TNNI3K: variants seen among roughly 807,000 people sequenced by gnomAD.
TNNI3K encodes the protein serine/threonine-protein kinase TNNI3K.
A neutral mutation model predicts 114.5 loss-of-function variants in TNNI3K; 140 were observed. The ratio of observed to expected loss-of-function variants is 1.22; its 90% confidence interval spans 1.07 to 1.41. The LOEUF (loss-of-function observed/expected upper bound fraction) is 1.41. Ranked by LOEUF, TNNI3K falls within the 40% of genes most tolerant of loss-of-function variation. TNNI3K has a pLI of 0.00. For missense variants in TNNI3K, 1,125 were observed against 1,007.6 expected (o/e 1.12, Z -1.58); for synonymous variants, 347 against 347.5 (o/e 1.00, Z 0.02).
At chr1:74,362,835 TAC>T (rs575468997) in intron 11 of TNNI3K, among the ~76,000 whole-genome samples, 50 of 152,204 alleles carry the variant, frequency 3.3e-4, no homozygotes, top group Non-Finnish European at 2.8e-4. Flanking sequence ...ATTTGGAGAA[TAC>T]ACACAGGACT....
intron 19 of TNNI3K, among the ~76,000 whole-genome samples, chr1:74,437,556 G>A (rs1463066606): frequency 6.6e-6 from 1 of 151,816 alleles, no homozygotes; most frequent in East Asian, 1.9e-4. Context: ...TGGGGGGAGA[G>A]CTATGCAGGT....
intron 18 of TNNI3K, 45 bp downstream of exon 18, chr1:74,436,177 T>C (rs1557564246): frequency 6.2e-7 from 1 of 1,603,418 alleles, no homozygotes; most frequent in African/African-American, 1.3e-5. Context: ...TGTTCCTAGC[T>C]GGTACAATAT....
Position 74,501,455 on chromosome 1 carries a change from G to A in TNNI3K, c.2351+9189G>A, listed in dbSNP as rs139035932. On this transcript the variant is annotated intron_variant, in intron 23 of 24. Transcript: ENST00000326637. Reference sequence around the variant, plus strand: ...TCAAGACCAACCAAAACTTCAACTTGGAGGGTTTTTTTTGTTTTGTGTTTG... The same window carrying A: ...TCAAGACCAACCAAAACTTCAACTTAGAGGGTTTTTTTTGTTTTGTGTTTG... Among the ~76,000 whole-genome samples, 7 of 150,460 alleles carry A rather than the reference G, an allele frequency of 4.7e-5. No individual in the cohort carries two copies. In the East Asian group the frequency reaches 1.4e-3, roughly 30 times the overall value.
At chr1:74,313,620 T>G (rs552758348) in intron 5 of TNNI3K, among the ~76,000 whole-genome samples, 271 of 152,266 alleles carry the variant, frequency 1.8e-3, no homozygotes, top group African/African-American at 6.3e-3. Flanking sequence ...TCCCAACTAC[T>G]GCATTCCCTC....
chr1:74,350,647 C>G (rs1399211217), intron 9 of TNNI3K, among the ~76,000 whole-genome samples: 1 of 151,974 alleles, frequency 6.6e-6, no homozygotes, highest in Non-Finnish European at 1.5e-5. Flanking sequence ...AATCTGGGTG[C>G]TCCTGTACTG....
At chr1:74,489,600 G>A (rs897934869) in intron 22 of TNNI3K, among the ~76,000 whole-genome samples, 2 of 152,142 alleles carry the variant, frequency 1.3e-5, no homozygotes, top group Admixed American at 1.3e-4. Flanking sequence ...ACAGAGATTT[G>A]TAAGCCATTG....
Position 74,271,624 on chromosome 1 carries a change from G to C in TNNI3K, c.360G>C (p.Leu120=), listed in dbSNP as rs2100894510. ...ATAATGCAGAATTGATCACTTCTCT[G>C]CTTCACAGTGGAGCTGATATACAGC... ...YKDNAELITS[L]LHSGADIQQV... is the part of the protein sequence containing the mutation. The change falls in exon 5 of 25, where the codon CTG becomes CTC. Residue 120 remains leucine, a synonymous_variant. Coordinates refer to ENST00000326637, the MANE Select transcript of TNNI3K (RefSeq NM_015978.3). 6.2e-7 allele frequency: 1 copy of C among 1,607,976 alleles called. No homozygotes were observed. Among genetic ancestry groups the C allele is most frequent in the Non-Finnish European group, 8.5e-7 (1 of 1,176,550 alleles).
intron 17 of TNNI3K, among the ~76,000 whole-genome samples, chr1:74,409,022 G>C (rs952613302): frequency 6.6e-6 from 1 of 151,284 alleles, no homozygotes; most frequent in East Asian, 1.9e-4. Context: ...TCTTCTTAAA[G>C]GTACCAGAAT....
At chr1:74,399,247 A>C (rs955523548) in intron 17 of TNNI3K, among the ~76,000 whole-genome samples, 6 of 151,756 alleles carry the variant, frequency 4.0e-5, no homozygotes, top group African/African-American at 4.8e-5. Flanking sequence ...GGATTAGGAC[A>C]ACCCCAAGGA....
chr1:74,409,281 C>T (rs556705711), intron 17 of TNNI3K, among the ~76,000 whole-genome samples: 5 of 152,156 alleles, frequency 3.3e-5, no homozygotes, highest in South Asian at 2.1e-4. Context: ...CCAAACTCCC[C>T]GCTGTTATGA....
intron 17 of TNNI3K, among the ~76,000 whole-genome samples, chr1:74,406,008 G>A (rs563852388): frequency 1.3e-5 from 2 of 152,322 alleles, no homozygotes; most frequent in East Asian, 3.9e-4. Context: ...AGGTTAAAAA[G>A]CCTGGGCTAA....
intron 4 of TNNI3K, among the ~76,000 whole-genome samples, chr1:74,253,833 G>A (rs1655111669): frequency 6.6e-6 from 1 of 152,202 alleles, no homozygotes; most frequent in African/African-American, 2.4e-5. Flanking sequence ...CTCAAGTGCA[G>A]CCAGAGTGGG....
intron 5 of TNNI3K, among the ~76,000 whole-genome samples, chr1:74,317,159 A>G (rs543393976): frequency 7.9e-5 from 12 of 152,302 alleles, no homozygotes; most frequent in Admixed American, 2.6e-4. Flanking sequence ...CTAACACAGC[A>G]TCTGCCTGCC....
Position 74,353,987 on chromosome 1 carries a change from C to G in TNNI3K, c.1035C>G (p.His345Gln). The G allele has an allele frequency of 6.2e-7, 1 of 1,613,274 alleles. No homozygotes were observed. Among genetic ancestry groups the G allele is most frequent in the Non-Finnish European group, 8.5e-7 (1 of 1,179,780 alleles). ...AATTCTTTTCTATTACAGGATTACA[C>G]TCTGCTTGCTACCACGGTCACATTC... is the stretch of plus-strand genomic sequence containing the variant. ...HQGRDGHTGL[H>Q]SACYHGHIRL... The change falls in exon 11 of 25, where the codon CAC becomes CAG. Residue 345 changes from histidine to glutamine, a missense_variant. Coordinates refer to ENST00000326637, the MANE Select transcript of TNNI3K (RefSeq NM_015978.3).
At chr1:74,433,822 T>G (rs1258885448) in intron 17 of TNNI3K, among the ~76,000 whole-genome samples, 1 of 152,094 alleles carries the variant, frequency 6.6e-6, no homozygotes, top group African/African-American at 2.4e-5. Context: ...AAGCCACTAG[T>G]TTATTCACAA....
At chr1:74,369,846 A>T (rs45515598) in intron 16 of TNNI3K, 368 of 358,842 alleles carry the variant, frequency 1.0e-3, no homozygotes, top group African/African-American at 6.7e-3. Flanking sequence ...AGCTTAAAAT[A>T]ATTAGGCTAA....
chr1:74,510,803 A>G (rs1393891973), intron 23 of TNNI3K, among the ~76,000 whole-genome samples: 1 of 152,208 alleles, frequency 6.6e-6, no homozygotes, highest in Non-Finnish European at 1.5e-5. Context: ...GGTACACAGC[A>G]CTGTGTCTGC....
intron 17 of TNNI3K, among the ~76,000 whole-genome samples, chr1:74,421,132 G>A (rs1190409209): frequency 6.6e-6 from 1 of 152,090 alleles, no homozygotes; most frequent in Non-Finnish European, 1.5e-5. Flanking sequence ...TACTGGAATT[G>A]TCTTGAGTCT....
chr1:74,388,546 G>A (rs1361751902), intron 17 of TNNI3K, among the ~76,000 whole-genome samples: 3 of 152,064 alleles, frequency 2.0e-5, no homozygotes, highest in South Asian at 2.1e-4. Flanking sequence ...ATCGGACTTC[G>A]TCTTTTCTCA....
Sources: gnomAD v4.1 joint callset for allele counts (sites outside exome capture counted in the v4.1 genomes callset) on GRCh38, gnomAD v4.1.1 for gene constraint, MANE v1.5 for transcripts, NCBI Gene and HGNC (gene_info 2026-07-23, HGNC 2026-07-21) for gene names.